Variants in ROBO2 observed in about 807,000 individuals in gnomAD.
ROBO2 encodes roundabout guidance receptor 2.
ROBO2 carries 53 observed loss-of-function variants against 160.8 expected under a neutral mutation model. The ratio of observed to expected loss-of-function variants is 0.33; its 90% CI spans 0.26 to 0.41. The LOEUF (loss-of-function observed/expected upper bound fraction) is 0.41, where lower values mean the gene tolerates loss of function less well. Ranked by LOEUF, ROBO2 falls within the 10% of genes least tolerant of loss-of-function variation. The probability of loss-of-function intolerance (pLI) is 1.00; values close to 1 mark genes in which losing one functional copy is unlikely to be tolerated. For synonymous variants in ROBO2, 664 were observed against 611.7 expected (o/e 1.09, Z -1.26); for missense variants, 1,577 against 1,722.4 (o/e 0.92, Z 1.49).
exon 26 of ROBO2, chr3:77,647,735 T>G (rs1025087327): frequency 6.6e-6 from 1 of 152,144 alleles, no homozygotes; most frequent in Non-Finnish European, 1.5e-5. Flanking sequence ...CTTTCTCAAA[T>G]TTTTCCTATG....
intron 2 of ROBO2, among the ~76,000 whole-genome samples, chr3:76,235,780 A>T (rs192936024): frequency 1.3e-5 from 2 of 152,268 alleles, no homozygotes; most frequent in Admixed American, 1.3e-4. Context: ...TAGGGCATTA[A>T]TTGCATTGTG....
intron 2 of ROBO2, among the ~76,000 whole-genome samples, chr3:76,497,389 C>A (rs754783234): frequency 7.2e-5 from 11 of 152,014 alleles, no homozygotes; most frequent in Non-Finnish European, 1.6e-4. Context: ...AAAGATGAGG[C>A]CTCACTGTGT....
chr3:77,378,141 C>A (rs2072940458), intron 2 of ROBO2, among the ~76,000 whole-genome samples: 2 of 152,158 alleles, frequency 1.3e-5, no homozygotes, highest in South Asian at 4.1e-4. Flanking sequence ...ATAGATAAGA[C>A]TTGTCCCTTT....
chr3:76,979,576 G>C (rs988078900), intron 2 of ROBO2, among the ~76,000 whole-genome samples: 2 of 151,314 alleles, frequency 1.3e-5, no homozygotes, highest in African/African-American at 4.9e-5. Flanking sequence ...ATGGTATTGG[G>C]GTGTATGTGT....
At chr3:76,942,676 G>A (rs920784888) in intron 2 of ROBO2, among the ~76,000 whole-genome samples, 1 of 150,868 alleles carries the variant, frequency 6.6e-6, no homozygotes, top group Non-Finnish European at 1.5e-5. Flanking sequence ...AGAAAGTGCT[G>A]GTCTCAGGAA....
chr3:77,052,833 G>T (rs1253643337), intron 1 of ROBO2, among the ~76,000 whole-genome samples: 1 of 152,092 alleles, frequency 6.6e-6, no homozygotes, highest in African/African-American at 2.4e-5. Context: ...ATTTTTGTTT[G>T]TTTGATAAAA....
chr3:77,092,357 G>A (rs1455131222), intron 1 of ROBO2, among the ~76,000 whole-genome samples: 4 of 151,724 alleles, frequency 2.6e-5, no homozygotes, highest in Non-Finnish European at 2.9e-5. Context: ...TTCTAAAGAA[G>A]CCTGGCACAT....
chr3:76,602,517 C>G (rs942886338), intron 2 of ROBO2, among the ~76,000 whole-genome samples: 1 of 152,172 alleles, frequency 6.6e-6, no homozygotes, highest in Non-Finnish European at 1.5e-5. Context: ...GGTGAAAGAC[C>G]CATCTTACAT....
chr3:76,558,370 T>C (rs2083938393), intron 2 of ROBO2, among the ~76,000 whole-genome samples: 1 of 151,804 alleles, frequency 6.6e-6, no homozygotes, highest in African/African-American at 2.4e-5. Flanking sequence ...GAAAAAAATA[T>C]ATGTTGCCTG....
At chr3:77,592,421 T>A (rs1002632672) in intron 17 of ROBO2, among the ~76,000 whole-genome samples, 3 of 152,172 alleles carry the variant, frequency 2.0e-5, no homozygotes, top group African/African-American at 4.8e-5. Context: ...GAAATATTTT[T>A]AAATTTAAAT....
rs555962501 is a variant in ROBO2, at chr3:76,743,192, C to A, written c.110-354822C>A. Among the ~76,000 whole-genome samples, 3 of 152,238 alleles carry A rather than the reference C, an allele frequency of 2.0e-5. No homozygotes were observed. The South Asian group carries it at 6.2e-4, about 32-fold the overall frequency. On this transcript the variant is annotated intron_variant, in intron 2 of 26. Coordinates refer to the ROBO2 transcript ENST00000487694. ...TTAAGTCAAGTGTCAGTCTCTCAAC[C>A]ATTCCCTTTGGCTAGGACTAGGGAT...
chr3:76,007,633 G>A (rs2066061313), intron 2 of ROBO2, among the ~76,000 whole-genome samples: 1 of 152,074 alleles, frequency 6.6e-6, no homozygotes, highest in Non-Finnish European at 1.5e-5. Flanking sequence ...GACATTAGGA[G>A]TATATTGGAA....
intron 2 of ROBO2, among the ~76,000 whole-genome samples, chr3:76,059,469 T>G (rs1272640183): frequency 1.3e-5 from 2 of 152,222 alleles, no homozygotes; most frequent in Non-Finnish European, 2.9e-5. Flanking sequence ...TGTCTATTCA[T>G]ATACTTTGCC....
chr3:75,915,028 A>G (rs1371928482), intron 1 of ROBO2, among the ~76,000 whole-genome samples: 2 of 152,244 alleles, frequency 1.3e-5, no homozygotes, highest in Non-Finnish European at 2.9e-5. Context: ...TGGTATGAGT[A>G]TAAGACTGTT....
intron 2 of ROBO2, among the ~76,000 whole-genome samples, chr3:76,396,726 G>A (rs2077474848): frequency 6.6e-6 from 1 of 152,116 alleles, no homozygotes; most frequent in Admixed American, 6.6e-5. Context: ...ATTCACAATT[G>A]CTTCAAAGAG....
chr3:77,031,946 G>A (rs2063351625), intron 2 of ROBO2, among the ~76,000 whole-genome samples: 1 of 152,056 alleles, frequency 6.6e-6, no homozygotes, highest in South Asian at 2.1e-4. Flanking sequence ...TGTGTCTGGT[G>A]AGGGCTCTAT....
At chr3:77,175,531 A>C (rs575208773) in intron 2 of ROBO2, among the ~76,000 whole-genome samples, 1 of 152,152 alleles carries the variant, frequency 6.6e-6, no homozygotes, top group East Asian at 1.9e-4. Flanking sequence ...ACGTGTTAGC[A>C]ACAGTGGACA....
chr3:76,357,183 C>G (rs2075222962), intron 2 of ROBO2, among the ~76,000 whole-genome samples: 1 of 151,856 alleles, frequency 6.6e-6, no homozygotes, highest in Admixed American at 6.6e-5. Flanking sequence ...AAATCATGTC[C>G]TTTGCAGCAA....
At chr3:76,812,063 G>C (rs1167171210) in intron 2 of ROBO2, among the ~76,000 whole-genome samples, 1 of 151,600 alleles carries the variant, frequency 6.6e-6, no homozygotes, top group Non-Finnish European at 1.5e-5. Flanking sequence ...TGCAGACAGG[G>C]TTTCACCGTG....
Sources: allele counts gnomAD v4.1 joint callset (sites outside exome capture counted in the v4.1 genomes callset), GRCh38; gene constraint gnomAD v4.1.1; transcripts MANE v1.5; gene names NCBI Gene and HGNC (gene_info 2026-07-23, HGNC 2026-07-21).